SLC16A5: variants seen among roughly 807,000 people sequenced by gnomAD.
SLC16A5 encodes solute carrier family 16 member 5.
In SLC16A5, 29 loss-of-function variants were observed where a neutral mutation model predicts 33.2. The observed-to-expected ratio is 0.87, with a 90% CI of 0.65 to 1.19. The LOEUF (loss-of-function observed/expected upper bound fraction) is 1.19. Ranked by LOEUF, SLC16A5 falls within the 50% of genes most tolerant of loss-of-function variation. SLC16A5 has a pLI of 0.00. For synonymous variants in SLC16A5, 248 were observed against 284.1 expected, an observed-to-expected ratio of 0.87 and a Z score of 1.28; for missense variants, 606 against 678.2, an observed-to-expected ratio of 0.89 and a Z score of 1.18.
downstream of SLC16A5, among the ~76,000 whole-genome samples, chr17:75,109,063 T>C (rs2073885104): frequency 6.6e-6 from 1 of 152,212 alleles, no homozygotes. This position sits in a 1 kb window ranked among gnomAD's most constrained non-coding sequence, Gnocchi z 5.0. Context: ...TCAAATGCGA[T>C]GGGAGTGTGG....
At chr17:75,093,987 T>G in intron 3 of SLC16A5, 152 bp downstream of exon 3, 1 of 1,205,714 alleles carries the variant, frequency 8.3e-7, no homozygotes, top group Non-Finnish European at 1.1e-6. Context: ...CAGGGGCCCC[T>G]GGCTGGAATC....
At position 75,105,645 on chromosome 17, in the gene SLC16A5, G is replaced by A. The variant is rs980926638; in HGVS notation, c.1365-235G>A. The A allele has an allele frequency of 2.8e-5, 28 of 985,272 alleles. 1 individual carries two copies. The highest frequency in any genetic ancestry group is 9.4e-5 in the South Asian group (2 of 21,282). The allele number at this position is 985,272 out of a possible 1,614,324, so 61.0% of individuals were successfully genotyped here. On this transcript the variant is annotated intron_variant, in intron 6 of 6. Transcript: ENST00000329783. ...CCCATTCTTGTCCCAGCAGGGTACC[G>A]AGGGAATGATAAAACAGAATGTGTT... is the stretch of plus-strand genomic sequence containing the variant.
Position 75,100,434 on chromosome 17 carries a change from C to A in SLC16A5, c.771C>A (p.Val257=). Residue 257 remains valine, a synonymous_variant, in exon 5 of 7, where the codon GTC becomes GTA. Transcript: ENST00000329783. ...WSVLGFPLPQ[V]FLVPYAMWHS... is the part of the protein sequence containing the mutation. The stretch of plus-strand genomic sequence containing the variant: ...TCCTGGGCTTCCCACTGCCACAAGT[C>A]TTCCTGGTGCCATATGCCATGTGGC... The A allele has an allele frequency of 6.2e-7, 1 of 1,614,270 alleles. No homozygotes were observed. The highest frequency in any genetic ancestry group is 8.5e-7 in the Non-Finnish European group (1 of 1,180,052).
At position 75,103,977 on chromosome 17, in the gene SLC16A5, C is replaced by G; in HGVS notation, c.1161C>G (p.Leu387=). The part of the protein sequence containing the change: ...FLISPPLAGL[L]LDATNNFSYV... ...TTGATCTCTGTTCCCCAGGGTTGCT[C>G]CTGGACGCCACCAACAACTTTAGCT... is the stretch of plus-strand genomic sequence containing the variant. Residue 387 remains leucine, a synonymous_variant, in exon 6 of 7, where the codon CTC becomes CTG. Transcript: ENST00000329783. 1 of 1,614,014 alleles carries G rather than the reference C, an allele frequency of 6.2e-7. No individual in the cohort carries two copies. The highest frequency in any genetic ancestry group is 8.5e-7 in the Non-Finnish European group (1 of 1,179,926).
chr17:75,095,122 C>T (rs1437483013), intron 3 of SLC16A5, among the ~76,000 whole-genome samples: 1 of 152,268 alleles, frequency 6.6e-6, no homozygotes, highest in Non-Finnish European at 1.5e-5. Context: ...CCACTTGCCA[C>T]CAGCAGCCTG....
intron 2 of SLC16A5, among the ~76,000 whole-genome samples, chr17:75,091,909 G>A (rs767230812): frequency 5.3e-5 from 8 of 152,198 alleles, no homozygotes; most frequent in Non-Finnish European, 1.2e-4. Context: ...AACTTGGTGA[G>A]GGGACCTTGG....
At chr17:75,102,900 T>G (rs995450187) in intron 5 of SLC16A5, among the ~76,000 whole-genome samples, 2 of 71,032 alleles carry the variant, frequency 2.8e-5, no homozygotes, top group Non-Finnish European at 3.6e-5. Context: ...CCCGGCTAAT[T>G]TTTTTTTTTG....
downstream of SLC16A5, among the ~76,000 whole-genome samples, chr17:75,109,171 G>C (rs2073886368): frequency 6.6e-6 from 1 of 152,106 alleles, no homozygotes; most frequent in Non-Finnish European, 1.5e-5. The surrounding 1 kb of genome is among the most constrained non-coding windows in gnomAD (Gnocchi z 5.0). Context: ...ATCGGCCGAA[G>C]GGCTTCAGCA....
chr17:75,099,416 T>G (rs1231732384), intron 4 of SLC16A5, among the ~76,000 whole-genome samples: 1 of 152,036 alleles, frequency 6.6e-6, no homozygotes, highest in Non-Finnish European at 1.5e-5. Flanking sequence ...TTAATCCAAT[T>G]TGGGGTTTGT....
In SLC16A5 at chr17:75,104,189, C is replaced by G; in HGVS notation, c.1364+9C>G. 6.2e-7 allele frequency: 1 copy of G among 1,613,580 alleles called. No homozygotes were observed. Among genetic ancestry groups the G allele is most frequent in the Non-Finnish European group, 8.5e-7 (1 of 1,179,856 alleles). On this transcript the variant is annotated intron_variant, in intron 6 of 6. Transcript: ENST00000329783. The stretch of plus-strand genomic sequence containing the variant: ...CGGTCCCCTGAGATCATGTATGTAA[C>G]CAGCGTCTAAGACCCAGGGTTCATC...
At chr17:75,107,050 C>CCT (rs2073869248), downstream of SLC16A5, among the ~76,000 whole-genome samples, 1 of 151,522 alleles carries the variant, frequency 6.6e-6, no homozygotes, top group South Asian at 2.1e-4. Context: ...GTGGATCATG[C>CCT]CTGTAATCCC....
chr17:75,094,460 T>G (rs1598147802), intron 3 of SLC16A5, among the ~76,000 whole-genome samples: 1 of 151,660 alleles, frequency 6.6e-6, no homozygotes, highest in African/African-American at 2.4e-5. Flanking sequence ...GCCGAGGCGG[T>G]CAGATCACCT....
chr17:75,092,028 G>GTGTGTGTGTGTGTGTGTGTGT (rs1555644931), intron 2 of SLC16A5, among the ~76,000 whole-genome samples: 3 of 149,606 alleles, frequency 2.0e-5, no homozygotes, highest in Non-Finnish European at 3.0e-5. Flanking sequence ...ATGTGAGGGG[G>GTGTGTGTGTGTGTGTGTGTGT]GTGTGTGTGT....
chr17:75,104,043 C>T lies in SLC16A5; in HGVS notation c.1227C>T (p.Ala409=). ...YMSSFFLISA[A]LFMGGSFYAL... ...CCAGCTTCTTCCTCATCTCAGCTGC[C>T]CTCTTCATGGGTGGCAGCTTCTACG... The change falls in exon 6 of 7, where the codon GCC becomes GCT. Residue 409 remains alanine (A), a synonymous_variant. Coordinates refer to ENST00000329783, the MANE Select transcript of SLC16A5 (RefSeq NM_004695.4). The T allele has an allele frequency of 6.2e-7, 1 of 1,614,220 alleles. No homozygotes were observed. Among genetic ancestry groups the T allele is most frequent in the Non-Finnish European group, 8.5e-7 (1 of 1,180,040 alleles).
chr17:75,092,028 G>GTGTGTGTGTGTGTGTGTGT (rs1555644931), intron 2 of SLC16A5, among the ~76,000 whole-genome samples: 109 of 149,704 alleles, frequency 7.3e-4, no homozygotes, highest in Middle Eastern at 3.4e-3. Context: ...ATGTGAGGGG[G>GTGTGTGTGTGTGTGTGTGT]GTGTGTGTGT....
downstream of SLC16A5, among the ~76,000 whole-genome samples, chr17:75,108,034 G>T (rs1045058585): frequency 1.3e-5 from 2 of 152,130 alleles, no homozygotes; most frequent in African/African-American, 4.8e-5. Flanking sequence ...AATCTGAGGC[G>T]GAGGTTGTAG....
chr17:75,093,832 G>A lies in SLC16A5; in HGVS notation c.196G>A (p.Ala66Thr). 1 of 1,613,832 alleles carries A rather than the reference G, an allele frequency of 6.2e-7. No homozygotes were observed. Among genetic ancestry groups the A allele is most frequent in the South Asian group, 1.1e-5 (1 of 91,072 alleles). Reference sequence around the variant, plus strand: ...CATCCTCACGGCTGTGCTCCACATGGCAGGTGAGCGGCCTAGGGAGGGGCC... The same window carrying A: ...CATCCTCACGGCTGTGCTCCACATGACAGGTGAGCGGCCTAGGGAGGGGCC... ...PSILTAVLHM[A>T]GPLCSILVGR... is the part of the protein sequence containing the mutation. Residue 66 changes from alanine (A) to threonine (T), a missense_variant, in exon 3 of 7, where the codon GCA becomes ACA. Physicochemically the swap from Ala to Thr is moderately conservative, Grantham distance 58. Transcript: ENST00000329783.
downstream of SLC16A5, among the ~76,000 whole-genome samples, chr17:75,108,431 A>G (rs951473817): frequency 6.6e-6 from 1 of 152,192 alleles, no homozygotes; most frequent in Admixed American, 6.6e-5. Context: ...CAGAGGGTGT[A>G]CATAGGGCAG....
chr17:75,100,024 A>G lies in SLC16A5; in HGVS notation c.361A>G (p.Ser121Gly), dbSNP rs778022933. Residue 121 changes from serine to glycine, a missense_variant, in exon 5 of 7, where the codon AGC becomes GGC. By Grantham distance (56) the Ser-to-Gly change is moderately conservative. Coordinates refer to ENST00000329783, the MANE Select transcript of SLC16A5 (RefSeq NM_004695.4). ...CCCCGCAGGCCTGGGCATGTGCTTC[A>G]GCTTCCAGTCAAGCATCACGGTGCT... ...GFITGLGMCF[S>G]FQSSITVLGF... 6.2e-7 allele frequency: 1 copy of G among 1,611,402 alleles called. No individual in the cohort carries two copies. The highest frequency in any genetic ancestry group is 8.5e-7 in the Non-Finnish European group (1 of 1,179,606).
Sources: allele counts gnomAD v4.1 joint callset (sites outside exome capture counted in the v4.1 genomes callset), GRCh38; gene constraint gnomAD v4.1.1; non-coding constraint Gnocchi (gnomAD v3.1); transcripts MANE v1.5; gene names NCBI Gene and HGNC (gene_info 2026-07-23, HGNC 2026-07-21).